EPAS1: variants seen among roughly 807,000 people sequenced by gnomAD.
EPAS1 encodes the protein endothelial PAS domain-containing protein 1.
EPAS1 carries 23 observed loss-of-function variants against 87.9 expected under a neutral mutation model. That is an observed-to-expected ratio of 0.26 (90% CI 0.19 to 0.37). The LOEUF is 0.37. Among genes scored for constraint, EPAS1 ranks in the 10% least tolerant of loss-of-function variants. The pLI is 1.00. For synonymous variants in EPAS1, 508 were observed against 444.3 expected (o/e 1.14, Z -1.80); for missense variants, 1,138 against 1,120.7 (o/e 1.02, Z -0.22).
chr2:46,377,988 G>C lies in EPAS1; in HGVS notation c.1344G>C (p.Gln448His), dbSNP rs760600266. 2.5e-6 allele frequency: 4 copies of C among 1,580,128 alleles called. No individual in the cohort carries two copies. Among genetic ancestry groups the C allele is most frequent in the Non-Finnish European group, 3.4e-6 (4 of 1,162,606 alleles). ...CGGAGTTGAGGAGCCACAGCACCCA[G>C]AGCGAGGCTGGGAGCCTGCCTGCCT... ...WATELRSHST[Q>H]SEAGSLPAFT... The change falls in exon 10 of 16, where the codon CAG becomes CAC. Residue 448 changes from glutamine (Q) to histidine (H), a missense_variant. Gln to His is a conservative substitution (Grantham distance 24). Transcript: ENST00000263734.
At chr2:46,305,189 G>A (rs191535295) in intron 1 of EPAS1, among the ~76,000 whole-genome samples, 1 of 152,318 alleles carries the variant, frequency 6.6e-6, no homozygotes, top group East Asian at 1.9e-4. Flanking sequence ...ACTGTTGGAA[G>A]CCCCATAACT....
chr2:46,362,596 C>T (rs558385235), intron 6 of EPAS1, among the ~76,000 whole-genome samples: 19 of 152,250 alleles, frequency 1.2e-4, no homozygotes, highest in Non-Finnish European at 2.4e-4. Context: ...CTAGGCCTAC[C>T]CACTTTTCTC....
chr2:46,380,305 A>G lies in EPAS1; in HGVS notation c.1633A>G (p.Ile545Val), dbSNP rs1001082706. The change falls in exon 12 of 16, where the codon ATC becomes GTC. Residue 545 changes from isoleucine to valine, a missense_variant. Physicochemically the swap from Ile to Val is conservative, Grantham distance 29. This residue lies in a region of EPAS1 where 502 missense variants were observed against 427.1 expected (regional missense o/e 1.18). Coordinates refer to ENST00000263734, the MANE Select transcript of EPAS1 (RefSeq NM_001430.5). This position sits in a 1 kb window ranked among gnomAD's most constrained non-coding sequence, Gnocchi z 4.4. ...MDGEDFQLSP[I>V]CPEERLLAEN... The stretch of plus-strand genomic sequence containing the variant: ...CGGGGAAGACTTCCAGCTAAGCCCC[A>G]TCTGCCCCGAGGAGCGGCTCTTGGC... The G allele has an allele frequency of 1.2e-6, 2 of 1,614,066 alleles. No homozygotes were observed. The highest frequency in any genetic ancestry group is 1.7e-6 in the Non-Finnish European group (2 of 1,179,996).
At chr2:46,354,843 G>T (rs1012640490) in intron 2 of EPAS1, among the ~76,000 whole-genome samples, 31 of 152,254 alleles carry the variant, frequency 2.0e-4, no homozygotes, top group South Asian at 4.2e-4. Context: ...CTGGGAAATG[G>T]ATTCTCTTCT....
In EPAS1 at chr2:46,307,089, G is replaced by A. The variant is rs145852739; in HGVS notation, c.26+9152G>A. ...AAAGCACTCCAGTGAGATTGCTTTC[G>A]CAGTAAGTTTCTGTAAACCACTGTA... On this transcript the variant is annotated intron_variant, in intron 1 of 15. Coordinates refer to ENST00000263734, the MANE Select transcript of EPAS1 (RefSeq NM_001430.5). 1.4e-3 allele frequency among the ~76,000 whole-genome samples: 210 copies of A among 152,282 alleles called. 1 individual carries two copies. Among genetic ancestry groups the A allele is most frequent in the African/African-American group, 4.0e-3 (165 of 41,562 alleles).
intron 15 of EPAS1, 122 bp downstream of exon 15, chr2:46,382,720 C>T (rs996009913): frequency 1.5e-6 from 2 of 1,306,150 alleles, no homozygotes; most frequent in South Asian, 2.5e-5. Flanking sequence ...CTTGAAGTCA[C>T]CTATACAGGG....
Position 46,352,275 on chromosome 2 carries a change from C to G in EPAS1, c.218-3876C>G, listed in dbSNP as rs956651941. ...AGTTGATGCTGGATTGTGGCATCAC[C>G]TTACAGCAGTTTATCTGTCTTCCCC... On this transcript the variant is annotated intron_variant, in intron 2 of 15. Coordinates refer to ENST00000263734, the MANE Select transcript of EPAS1 (RefSeq NM_001430.5). 3.3e-5 allele frequency among the ~76,000 whole-genome samples: 5 copies of G among 152,318 alleles called. No homozygotes were observed. The East Asian group carries it at 7.7e-4, about 24-fold the overall frequency.
intron 1 of EPAS1, among the ~76,000 whole-genome samples, chr2:46,302,149 T>TGTGTGCCC (rs1553387819): frequency 7.9e-6 from 1 of 126,898 alleles, no homozygotes; most frequent in Admixed American, 7.5e-5. Context: ...TGTGTGTGTG[T>TGTGTGCCC]GCCCGTGCGT....
intron 1 of EPAS1, among the ~76,000 whole-genome samples, chr2:46,334,261 G>T (rs370299814): frequency 6.6e-6 from 1 of 152,144 alleles, no homozygotes; most frequent in African/African-American, 2.4e-5. Context: ...GCAATTATCC[G>T]GGCATCTGAC....
In EPAS1 at chr2:46,380,558, C is replaced by G; in HGVS notation, c.1886C>G (p.Ser629Cys). Residue 629 changes from serine to cysteine, a missense_variant, in exon 12 of 16, where the codon TCT becomes TGT. By Grantham distance (112) the Ser-to-Cys change is moderately radical. This residue lies in a region of EPAS1 where 502 missense variants were observed against 427.1 expected (regional missense o/e 1.18). Coordinates refer to ENST00000263734, the MANE Select transcript of EPAS1 (RefSeq NM_001430.5). The surrounding 1 kb of genome is among the most constrained non-coding windows in gnomAD (Gnocchi z 4.4). ...TGTGGCCAGGCCAGCACCCCTCTCT[C>G]TTCCATGGGGGGCAGATCCAATACC... ...PCCGQASTPL[S>C]SMGGRSNTQW... The G allele has an allele frequency of 6.2e-7, 1 of 1,614,188 alleles. No individual in the cohort carries two copies. The highest frequency in any genetic ancestry group is 2.2e-5 in the East Asian group (1 of 44,888).
At position 46,378,032 on chromosome 2, in the gene EPAS1, C is replaced by T. The variant is rs968448942; in HGVS notation, c.1388C>T (p.Ala463Val). Residue 463 changes from alanine (A) to valine (V), a missense_variant, in exon 10 of 16, where the codon GCT becomes GTT. Ala to Val is a moderately conservative substitution (Grantham distance 64, BLOSUM62 0). Transcript: ENST00000263734. ...CCTGCCTTCACCGTGCCCCAGGCAG[C>T]TGCCCCGGGCAGCACCACCCCCAGT... ...SLPAFTVPQA[A>V]APGSTTPSAT... The T allele has an allele frequency of 1.2e-6, 2 of 1,604,940 alleles. No individual in the cohort carries two copies. Among genetic ancestry groups the T allele is most frequent in the Non-Finnish European group, 1.7e-6 (2 of 1,176,704 alleles).
rs149113142 is a variant in EPAS1 at position 46,382,696 on chromosome 2, A to G, written c.2461+98A>G. On this transcript the variant is annotated intron_variant, in intron 15 of 15. Coordinates refer to ENST00000263734, the MANE Select transcript of EPAS1 (RefSeq NM_001430.5). Reference sequence around the variant, plus strand: ...CCAGCGTCTGCACAGTGCCAGGCACAGGGAGGTGCTTGACTTGAAGTCACC... The same window carrying G: ...CCAGCGTCTGCACAGTGCCAGGCACGGGGAGGTGCTTGACTTGAAGTCACC... 4.6e-6 allele frequency: 7 copies of G among 1,505,708 alleles called. No homozygotes were observed. In the South Asian group the frequency reaches 7.1e-5, roughly 15 times the overall value. 93.3% of individuals were successfully genotyped at this position (1,505,708 alleles called of 1,614,324 possible).
At chr2:46,349,504 C>T (rs1684104429) in intron 2 of EPAS1, among the ~76,000 whole-genome samples, 1 of 152,200 alleles carries the variant, frequency 6.6e-6, no homozygotes, top group African/African-American at 2.4e-5. Flanking sequence ...AAGTTGTGGA[C>T]ACAAACTTGC....
At chr2:46,323,317 C>G (rs112631664) in intron 1 of EPAS1, among the ~76,000 whole-genome samples, 13 of 152,160 alleles carry the variant, frequency 8.5e-5, no homozygotes, top group African/African-American at 2.6e-4. Flanking sequence ...AAATAGTGAT[C>G]AATAAACAGT....
intron 1 of EPAS1, among the ~76,000 whole-genome samples, chr2:46,313,605 C>T (rs1450775822): frequency 2.6e-5 from 4 of 152,112 alleles, no homozygotes; most frequent in Admixed American, 1.3e-4. Flanking sequence ...GCACGCACCA[C>T]CATGCCAGGC....
intron 6 of EPAS1, among the ~76,000 whole-genome samples, chr2:46,368,524 A>G (rs1684552672): frequency 6.6e-6 from 1 of 152,194 alleles, no homozygotes; most frequent in South Asian, 2.1e-4. Context: ...TACTTAAATA[A>G]GAGTATGGCA....
At chr2:46,323,294 G>A (rs1014218494) in intron 1 of EPAS1, among the ~76,000 whole-genome samples, 2 of 152,150 alleles carry the variant, frequency 1.3e-5, no homozygotes, top group Non-Finnish European at 2.9e-5. Context: ...CACTAAGTTT[G>A]GTGATGGATA....
chr2:46,321,049 T>C (rs2104849314), intron 1 of EPAS1, among the ~76,000 whole-genome samples: 1 of 152,360 alleles, frequency 6.6e-6, no homozygotes, highest in South Asian at 2.1e-4. Context: ...ATTCCCCACA[T>C]GCTCCAATCC....
intron 2 of EPAS1, among the ~76,000 whole-genome samples, chr2:46,355,015 G>T (rs1317333023): frequency 6.6e-6 from 1 of 152,126 alleles, no homozygotes; most frequent in East Asian, 1.9e-4. Flanking sequence ...ACAGTTAGTT[G>T]TCTGTGATCA....
Sources: allele counts gnomAD v4.1 joint callset (sites outside exome capture counted in the v4.1 genomes callset), GRCh38; gene constraint gnomAD v4.1.1; regional missense constraint gnomAD v4.1.1; non-coding constraint Gnocchi (gnomAD v3.1); transcripts MANE v1.5; gene names NCBI Gene and HGNC (gene_info 2026-07-23, HGNC 2026-07-21).